Variants in LRP1B observed in about 807,000 individuals in gnomAD.
LRP1B encodes the protein low-density lipoprotein receptor-related protein 1B.
In LRP1B, 217 loss-of-function variants were observed where a neutral mutation model predicts 556.6. The ratio of observed to expected loss-of-function variants is 0.39; its 90% CI spans 0.35 to 0.44. The LOEUF is 0.44. Among genes scored for constraint, LRP1B ranks in the 20% least tolerant of loss-of-function variants. The pLI is 1.00. For synonymous variants in LRP1B, 2,047 were observed against 1,865.8 expected (o/e 1.10, Z -2.50); for missense variants, 5,053 against 5,620.8 (o/e 0.90, Z 3.23).
At chr2:140,581,757 T>A (rs1315453520) in intron 43 of LRP1B, among the ~76,000 whole-genome samples, 1 of 152,114 alleles carries the variant, frequency 6.6e-6, no homozygotes, top group Non-Finnish European at 1.5e-5. Context: ...TCTCTCCTGT[T>A]CTCTTTTTCT....
chr2:140,916,234 C>A (rs1694575140), intron 21 of LRP1B, among the ~76,000 whole-genome samples: 1 of 152,084 alleles, frequency 6.6e-6, no homozygotes, highest in African/African-American at 2.4e-5. Context: ...AGAAATATTT[C>A]ATATATAACC....
chr2:140,665,154 C>T (rs1685222450), intron 41 of LRP1B, among the ~76,000 whole-genome samples: 1 of 152,104 alleles, frequency 6.6e-6, no homozygotes, highest in Non-Finnish European at 1.5e-5. Context: ...GAAGGTCATG[C>T]TATGACATAA....
intron 2 of LRP1B, among the ~76,000 whole-genome samples, chr2:141,779,331 T>C (rs528162060): frequency 3.5e-4 from 53 of 152,056 alleles, no homozygotes; most frequent in Non-Finnish European, 7.2e-4. Context: ...TACCTTCAAA[T>C]GATTTCCCTC....
chr2:140,405,555 G>C (rs1285685533), intron 66 of LRP1B, among the ~76,000 whole-genome samples: 2 of 152,026 alleles, frequency 1.3e-5, no homozygotes, highest in Non-Finnish European at 1.5e-5. Flanking sequence ...TAAATCATTT[G>C]AGACTATTAT....
At chr2:141,543,896 A>C (rs1257638538) in intron 2 of LRP1B, among the ~76,000 whole-genome samples, 4 of 152,114 alleles carry the variant, frequency 2.6e-5, no homozygotes, top group Admixed American at 2.6e-4. Context: ...AATGAGGCAA[A>C]ATACACTGAT....
At chr2:140,828,608 CAAAA>C (rs60905457) in intron 31 of LRP1B, among the ~76,000 whole-genome samples, 8 of 4,122 alleles carry the variant, frequency 1.9e-3, no homozygotes, top group African/African-American at 5.6e-3. Flanking sequence ...GACTCCGTCT[CAAAA>C]AAAAAAAAAA....
At chr2:141,463,644 T>C (rs1682035070) in intron 3 of LRP1B, among the ~76,000 whole-genome samples, 1 of 123,896 alleles carries the variant, frequency 8.1e-6, no homozygotes, top group Non-Finnish European at 1.6e-5. Context: ...ATATATTATA[T>C]ATTATATATA....
intron 72 of LRP1B, among the ~76,000 whole-genome samples, chr2:140,363,699 T>G (rs2105148785): frequency 6.6e-6 from 1 of 151,662 alleles, no homozygotes; most frequent in South Asian, 2.1e-4. Context: ...TTTTTCAACT[T>G]TTAAGTACTT....
intron 41 of LRP1B, among the ~76,000 whole-genome samples, chr2:140,649,758 C>A (rs1172765466): frequency 6.6e-6 from 1 of 152,180 alleles, no homozygotes; most frequent in African/African-American, 2.4e-5. Flanking sequence ...TTAGGACTCA[C>A]CAATAAAGAC....
chr2:142,107,883 T>TGATCCGCCC (rs1416583162), intron 1 of LRP1B, among the ~76,000 whole-genome samples: 1 of 149,208 alleles, frequency 6.7e-6, no homozygotes, highest in Admixed American at 6.8e-5. Context: ...TGACCTCAAG[T>TGATCCGCCC]GATCCGCCCA....
intron 83 of LRP1B, among the ~76,000 whole-genome samples, chr2:140,301,159 C>G (rs1373133670): frequency 6.6e-6 from 1 of 152,038 alleles, no homozygotes; most frequent in South Asian, 2.1e-4. Flanking sequence ...TCTTTCTTCC[C>G]CCTTTAGCTT....
chr2:140,652,153 T>C (rs1684712636), intron 41 of LRP1B, among the ~76,000 whole-genome samples: 1 of 152,004 alleles, frequency 6.6e-6, no homozygotes, highest in Non-Finnish European at 1.5e-5. Context: ...GGAAATATTA[T>C]AGGAAATCCA....
chr2:141,681,893 G>A (rs866271045), intron 2 of LRP1B, among the ~76,000 whole-genome samples: 13 of 152,128 alleles, frequency 8.5e-5, no homozygotes, highest in African/African-American at 3.1e-4. Context: ...AATAGACTTA[G>A]CTATTTCCAG....
intron 41 of LRP1B, among the ~76,000 whole-genome samples, chr2:140,652,708 G>A (rs1684733880): frequency 6.6e-6 from 1 of 151,914 alleles, no homozygotes; most frequent in African/African-American, 2.4e-5. Flanking sequence ...TAACAATATT[G>A]TCACTTAAAC....
At chr2:141,398,000 A>T (rs1484957160) in intron 3 of LRP1B, among the ~76,000 whole-genome samples, 1 of 152,114 alleles carries the variant, frequency 6.6e-6, no homozygotes, top group Non-Finnish European at 1.5e-5. Flanking sequence ...TTCACTTCAG[A>T]TAACACTGTA....
intron 18 of LRP1B, among the ~76,000 whole-genome samples, chr2:140,966,518 A>C (rs909792096): frequency 6.6e-6 from 1 of 152,124 alleles, no homozygotes; most frequent in Admixed American, 6.5e-5. Flanking sequence ...CTCTGATGGA[A>C]GTTTCTTTTG....
At chr2:140,589,092 A>G (rs1682113454) in intron 43 of LRP1B, among the ~76,000 whole-genome samples, 1 of 152,226 alleles carries the variant, frequency 6.6e-6, no homozygotes, top group Admixed American at 6.5e-5. Flanking sequence ...AAACTATAAC[A>G]TTTTTAGAAA....
chr2:141,895,097 T>C (rs72850833), intron 1 of LRP1B, among the ~76,000 whole-genome samples: 34,284 of 149,310 alleles, frequency 0.23, 4,845 homozygotes, highest in East Asian at 0.37. Flanking sequence ...CTAACTTATA[T>C]ATAATTTTGA....
intron 7 of LRP1B, among the ~76,000 whole-genome samples, chr2:141,130,465 T>A (rs945288167): frequency 6.6e-6 from 1 of 152,074 alleles, no homozygotes; most frequent in African/African-American, 2.4e-5. Context: ...ATGTGTTACA[T>A]ACCATGTAAT....
Sources: gnomAD v4.1 joint callset for allele counts (sites outside exome capture counted in the v4.1 genomes callset) on GRCh38, gnomAD v4.1.1 for gene constraint, MANE v1.5 for transcripts, NCBI Gene and HGNC (gene_info 2026-07-23, HGNC 2026-07-21) for gene names.